SLC4A4: variants seen among roughly 807,000 people sequenced by gnomAD.
SLC4A4 encodes the protein electrogenic sodium bicarbonate cotransporter 1.
A neutral mutation model predicts 111.5 loss-of-function variants in SLC4A4; 27 were observed. That is an observed-to-expected ratio of 0.24 (90% CI 0.18 to 0.33). The LOEUF (loss-of-function observed/expected upper bound fraction) is 0.33. Ranked by LOEUF, SLC4A4 falls within the 10% of genes least tolerant of loss-of-function variation. SLC4A4 has a pLI of 1.00. For missense variants in SLC4A4, 909 were observed against 1,315.5 expected (o/e 0.69, Z 4.78); for synonymous variants, 443 against 463.4 (o/e 0.96, Z 0.57).
intron 16 of SLC4A4, among the ~76,000 whole-genome samples, chr4:71,531,718 C>T (rs1423605807): frequency 6.8e-6 from 1 of 147,758 alleles, no homozygotes; most frequent in African/African-American, 2.5e-5. Context: ...TATACAGTAT[C>T]TCAGGGGTAC....
chr4:71,184,631 G>T (rs1745395428), upstream of SLC4A4, among the ~76,000 whole-genome samples: 1 of 152,132 alleles, frequency 6.6e-6, no homozygotes, highest in African/African-American at 2.4e-5. Flanking sequence ...TTGTCACCAA[G>T]CTGTGTGAAC....
At chr4:71,369,741 C>G (rs16846302) in intron 6 of SLC4A4, among the ~76,000 whole-genome samples, 3,287 of 152,224 alleles carry the variant, frequency 0.022, 112 homozygotes, top group East Asian at 0.12. Flanking sequence ...AGAACATGCA[C>G]AGGAAGCTAC....
At chr4:71,317,426 A>G (rs1454735258) in intron 3 of SLC4A4, among the ~76,000 whole-genome samples, 1 of 152,160 alleles carries the variant, frequency 6.6e-6, no homozygotes, top group Non-Finnish European at 1.5e-5. Context: ...TAAAATCAGA[A>G]GAAAATAAAT....
chr4:71,434,391 A>T (rs1723926025), intron 7 of SLC4A4: 1 of 189,052 alleles, frequency 5.3e-6, no homozygotes, highest in Non-Finnish European at 1.1e-5. Context: ...TCAGACTGGT[A>T]GCTTTAAACA....
chr4:71,417,754 A>G (rs1411968758), intron 7 of SLC4A4, among the ~76,000 whole-genome samples: 1 of 152,238 alleles, frequency 6.6e-6, no homozygotes, highest in African/African-American at 2.4e-5. Flanking sequence ...TAGATACTTA[A>G]TTAACACTGT....
rs771877400 is a variant in SLC4A4 at position 71,497,498 on chromosome 4, C to T, written c.1975-3C>T. On this transcript the variant is annotated splice_region_variant and splice_polypyrimidine_tract_variant and intron_variant, in intron 15 of 25. Coordinates refer to ENST00000264485, the MANE Select transcript of SLC4A4 (RefSeq NM_001098484.3). The stretch of plus-strand genomic sequence containing the variant: ...GAAAAATTTTAATGTTTTTCTTCTT[C>T]AGTACCATAATACTACCTTTGACTG... 10 of 1,611,916 alleles carry T rather than the reference C, an allele frequency of 6.2e-6. No individual in the cohort carries two copies. The East Asian group carries it at 2.2e-4, about 36-fold the overall frequency.
chr4:71,236,234 ATTTT>A, intron 1 of SLC4A4: 19 of 957,806 alleles, frequency 2.0e-5, no homozygotes, highest in South Asian at 1.1e-4. Flanking sequence ...CTCTCTTGGT[ATTTT>A]TTTTTTTTTT....
chr4:71,418,269 T>C (rs759774809), intron 7 of SLC4A4, among the ~76,000 whole-genome samples: 1 of 152,234 alleles, frequency 6.6e-6, no homozygotes, highest in Non-Finnish European at 1.5e-5. Context: ...GAGATATATT[T>C]GGAAGGAAAA....
At chr4:71,157,839 A>G (rs1340236740) in intron 2 of SLC4A4, among the ~76,000 whole-genome samples, 2 of 152,198 alleles carry the variant, frequency 1.3e-5, no homozygotes, top group Non-Finnish European at 2.9e-5. Flanking sequence ...GGCATCTCTA[A>G]CAAGGAAAGC....
At chr4:71,365,206 C>A (rs373618286) in intron 6 of SLC4A4, among the ~76,000 whole-genome samples, 1 of 152,130 alleles carries the variant, frequency 6.6e-6, no homozygotes, top group African/African-American at 2.4e-5. Flanking sequence ...ATTCTCTTTG[C>A]GTTTATGCTA....
At chr4:71,462,112 G>A (rs539945205) in intron 12 of SLC4A4, among the ~76,000 whole-genome samples, 9 of 152,102 alleles carry the variant, frequency 5.9e-5, no homozygotes, top group Non-Finnish European at 1.2e-4. Context: ...AAATAATAGA[G>A]AGAGGCTGAA....
intron 12 of SLC4A4, among the ~76,000 whole-genome samples, chr4:71,465,525 G>A (rs1266564620): frequency 6.7e-6 from 1 of 149,544 alleles, no homozygotes; most frequent in Non-Finnish European, 1.5e-5. Context: ...TATTTTAATG[G>A]CAAAAACCAC....
At chr4:71,454,686 G>A (rs1301488733) in intron 12 of SLC4A4, among the ~76,000 whole-genome samples, 6 of 151,986 alleles carry the variant, frequency 3.9e-5, no homozygotes, top group Admixed American at 1.3e-4. Flanking sequence ...GTTGACCTAA[G>A]TAAAAAGGGA....
At chr4:71,357,308 C>G in intron 6 of SLC4A4, 121 bp downstream of exon 6, 1 of 947,356 alleles carries the variant, frequency 1.1e-6, no homozygotes. Flanking sequence ...GTTCATATGC[C>G]ATAGTCATTT....
rs201153134 is a variant in SLC4A4, at chr4:71,497,741, A to C, written c.2166+49A>C. On this transcript the variant is annotated intron_variant, in intron 16 of 25. Transcript: ENST00000264485. ...TTTTCATTGGATTTACACTGTATCA[A>C]CAATAATACAACTTTACAAGGTGAA... 1,647 of 1,466,138 alleles carry C rather than the reference A, an allele frequency of 1.1e-3. 4 individuals carry two copies. Among genetic ancestry groups the C allele is most frequent in the South Asian group, 2.7e-3 (236 of 87,674 alleles). The allele number at this position is 1,466,138 out of a possible 1,614,324, so 90.8% of individuals were successfully genotyped here. A position where few individuals can be genotyped will look rare whatever the true frequency, so the allele number is the denominator to read the frequency against.
chr4:71,466,593 T>C lies in SLC4A4; in HGVS notation c.1631+16T>C, dbSNP rs2149098866. ...ATTTCAGCAAGTATGTACATACATA[T>C]TTAATTGCAAATTAGAATTGCTTAA... On this transcript the variant is annotated intron_variant, in intron 13 of 25. Coordinates refer to ENST00000264485, the MANE Select transcript of SLC4A4 (RefSeq NM_001098484.3). 4.3e-6 allele frequency: 7 copies of C among 1,611,796 alleles called. No homozygotes were observed. The highest frequency in any genetic ancestry group is 2.2e-5 in the East Asian group (1 of 44,738).
At chr4:71,157,063 T>A (rs1744497818) in intron 2 of SLC4A4, among the ~76,000 whole-genome samples, 1 of 152,190 alleles carries the variant, frequency 6.6e-6, no homozygotes, top group Admixed American at 6.5e-5. Flanking sequence ...ACTCATAGAT[T>A]GTTTAATTAT....
chr4:71,236,119 G>A, intron 1 of SLC4A4: 1 of 1,028,366 alleles, frequency 9.7e-7, no homozygotes, highest in Non-Finnish European at 1.2e-6. Flanking sequence ...GCATGTGTGT[G>A]TGTGTGAGGG....
chr4:71,257,516 C>T (rs1721539076), intron 3 of SLC4A4, among the ~76,000 whole-genome samples: 1 of 152,018 alleles, frequency 6.6e-6, no homozygotes, highest in African/African-American at 2.4e-5. Flanking sequence ...AGAGTTTTTG[C>T]ACCTAGATAT....
Sources: gnomAD v4.1 joint callset for allele counts (sites outside exome capture counted in the v4.1 genomes callset) on GRCh38, gnomAD v4.1.1 for gene constraint, MANE v1.5 for transcripts, NCBI Gene and HGNC (gene_info 2026-07-23, HGNC 2026-07-21) for gene names.